Variants in ZNF423 observed in about 807,000 individuals in gnomAD.
ZNF423 encodes Ebf-associated zinc finger protein.
ZNF423 carries 12 observed loss-of-function variants against 95.8 expected under a neutral mutation model. The observed-to-expected ratio is 0.13, with a 90% CI of 0.08 to 0.20. ZNF423 has a LOEUF of 0.20. Ranked by LOEUF, ZNF423 falls within the 10% of genes least tolerant of loss-of-function variation. The pLI is 1.00. For synonymous variants in ZNF423, 749 were observed against 711.9 expected (o/e 1.05, Z -0.83); for missense variants, 1,316 against 1,737.1 (o/e 0.76, Z 4.31).
chr16:49,511,965 T>C (rs533240450), intron 7 of ZNF423, among the ~76,000 whole-genome samples: 2 of 152,336 alleles, frequency 1.3e-5, no homozygotes, highest in Admixed American at 1.3e-4. Context: ...GGGCTCTGTT[T>C]TGTGTAGCAC....
chr16:49,640,031 G>A (rs909513723), intron 3 of ZNF423, among the ~76,000 whole-genome samples: 12 of 152,168 alleles, frequency 7.9e-5, no homozygotes, highest in Non-Finnish European at 1.5e-4. Flanking sequence ...ACCGCAGGCT[G>A]CTGCGGGCAG....
At chr16:49,827,110 A>AT (rs1181965542) in intron 1 of ZNF423, 4 of 152,236 alleles carry the variant, frequency 2.6e-5, no homozygotes, top group Non-Finnish European at 5.9e-5. Flanking sequence ...ATTAAAAAAT[A>AT]TAATTGCCAA....
chr16:49,622,282 C>A (rs141053984), intron 5 of ZNF423, among the ~76,000 whole-genome samples: 1 of 152,236 alleles, frequency 6.6e-6, no homozygotes, highest in East Asian at 1.9e-4. Flanking sequence ...CCCTGGCCTA[C>A]GGGGTGAAGG....
intron 7 of ZNF423, among the ~76,000 whole-genome samples, chr16:49,512,432 G>T (rs1187192328): frequency 6.6e-6 from 1 of 152,206 alleles, no homozygotes; most frequent in Non-Finnish European, 1.5e-5. Context: ...CAATAACCCT[G>T]GTCTCTTGAA....
chr16:49,761,510 C>G (rs981338976), intron 2 of ZNF423, among the ~76,000 whole-genome samples: 1 of 152,244 alleles, frequency 6.6e-6, no homozygotes, highest in Non-Finnish European at 1.5e-5. Flanking sequence ...CCCAGGACCA[C>G]GCTCTGAGTA....
At chr16:49,731,836 T>C (rs1245055392) in intron 2 of ZNF423, among the ~76,000 whole-genome samples, 1 of 152,122 alleles carries the variant, frequency 6.6e-6, no homozygotes, top group Non-Finnish European at 1.5e-5. Context: ...TAGTGTCACC[T>C]GTGACCTGGT....
chr16:49,540,716 G>A (rs1371806000), intron 5 of ZNF423, among the ~76,000 whole-genome samples: 2 of 152,168 alleles, frequency 1.3e-5, no homozygotes, highest in African/African-American at 4.8e-5. Flanking sequence ...AAAAGCCAGG[G>A]TTTAGTGAAG....
chr16:49,785,442 T>A (rs2034295255), intron 2 of ZNF423, among the ~76,000 whole-genome samples: 1 of 152,238 alleles, frequency 6.6e-6, no homozygotes, highest in Non-Finnish European at 1.5e-5. Flanking sequence ...GTCACACATA[T>A]CTCTAAATAT....
intron 5 of ZNF423, among the ~76,000 whole-genome samples, chr16:49,559,277 G>C (rs12918288): frequency 0.1 from 15,972 of 152,306 alleles, 901 homozygotes; most frequent in East Asian, 0.16. Context: ...TTCCTACTCA[G>C]TACCAAAGGG....
intron 3 of ZNF423, among the ~76,000 whole-genome samples, chr16:49,694,460 T>C (rs549590996): frequency 1.3e-5 from 2 of 152,348 alleles, no homozygotes; most frequent in Admixed American, 1.3e-4. Context: ...CATGATTTTG[T>C]GCCTCCAGCC....
chr16:49,757,263 T>C (rs2033744533), intron 2 of ZNF423, among the ~76,000 whole-genome samples: 1 of 152,222 alleles, frequency 6.6e-6, no homozygotes, highest in Non-Finnish European at 1.5e-5. Flanking sequence ...GGAGATTCCA[T>C]AGGTTCGTGA....
intron 5 of ZNF423, among the ~76,000 whole-genome samples, chr16:49,624,954 T>C (rs1394003187): frequency 6.6e-6 from 1 of 152,262 alleles, no homozygotes; most frequent in Non-Finnish European, 1.5e-5. Flanking sequence ...TGAAAATTCA[T>C]TAAGCTTCTC....
chr16:49,550,666 C>T (rs1332830138), intron 5 of ZNF423, among the ~76,000 whole-genome samples: 1 of 152,230 alleles, frequency 6.6e-6, no homozygotes, highest in African/African-American at 2.4e-5. Context: ...GGGTCCTTGG[C>T]CATAGCGTGG....
At chr16:49,786,033 G>A (rs1381440849) in intron 2 of ZNF423, among the ~76,000 whole-genome samples, 1 of 152,144 alleles carries the variant, frequency 6.6e-6, no homozygotes, top group Admixed American at 6.5e-5. Context: ...CACCTCCAAG[G>A]CACCCCCACA....
chr16:49,807,317 G>C (rs965218556), intron 1 of ZNF423, among the ~76,000 whole-genome samples: 1 of 151,912 alleles, frequency 6.6e-6, no homozygotes, highest in Admixed American at 6.6e-5. Flanking sequence ...TGTAGTCCTA[G>C]CTACTCGGGA....
chr16:49,832,161 C>T (rs1031006614), intron 1 of ZNF423, among the ~76,000 whole-genome samples: 4 of 152,132 alleles, frequency 2.6e-5, no homozygotes, highest in Admixed American at 2.0e-4. Context: ...AGCTAGAAAT[C>T]CAACTCCAGC....
At chr16:49,803,859 G>C (rs1178609818) in intron 1 of ZNF423, among the ~76,000 whole-genome samples, 1 of 151,936 alleles carries the variant, frequency 6.6e-6, no homozygotes, top group Non-Finnish European at 1.5e-5. Flanking sequence ...CTCAAGGTGG[G>C]GTCTCTGTCT....
rs373818847 is a variant in ZNF423 at position 49,638,897 on chromosome 16, T to C, written c.302-23A>G. On this transcript the variant is annotated intron_variant, in intron 3 of 7. Transcript: ENST00000563137. The surrounding 1 kb of genome is among the most constrained non-coding windows in gnomAD (Gnocchi z 5.6). ...CATCTGCAAGAGAAGGCAGAGAGGA[T>C]ATTAGAGGCAATTCCCAGGGCTGCC... is the stretch of plus-strand genomic sequence containing the variant. 9 of 1,577,470 alleles carry C rather than the reference T, an allele frequency of 5.7e-6. No homozygotes were observed. Among genetic ancestry groups the C allele is most frequent in the Non-Finnish European group, 7.8e-6 (9 of 1,160,152 alleles).
At chr16:49,660,387 C>CGAATGAAT (rs34713592) in intron 3 of ZNF423, among the ~76,000 whole-genome samples, 52 of 151,438 alleles carry the variant, frequency 3.4e-4, no homozygotes, top group East Asian at 1.8e-3. Context: ...AATGAGAAAA[C>CGAATGAAT]GAATGAATGA....
Sources: gnomAD v4.1 joint callset for allele counts (sites outside exome capture counted in the v4.1 genomes callset) on GRCh38, gnomAD v4.1.1 for gene constraint, Gnocchi (gnomAD v3.1) non-coding constraint, MANE v1.5 for transcripts, NCBI Gene and HGNC (gene_info 2026-07-23, HGNC 2026-07-21) for gene names.